Variants in COL25A1 observed in about 807,000 individuals in gnomAD.
The protein encoded by COL25A1 is collagen type XXV alpha 1 chain.
A neutral mutation model predicts 128.4 loss-of-function variants in COL25A1; 103 were observed. That is an observed-to-expected ratio of 0.80 (90% CI 0.68 to 0.94). COL25A1 has a LOEUF of 0.94. COL25A1 is among the 40% of genes least tolerant of loss of function. COL25A1 has a pLI of 0.00. For synonymous variants in COL25A1, 279 were observed against 277.2 expected (o/e 1.01, Z -0.06); for missense variants, 745 against 840.0 (o/e 0.89, Z 1.40).
intron 3 of COL25A1, among the ~76,000 whole-genome samples, chr4:109,260,123 G>GATGTTAAAA (rs1781340035): frequency 6.6e-6 from 1 of 152,172 alleles, no homozygotes; most frequent in African/African-American, 2.4e-5. Flanking sequence ...CTTATACAAA[G>GATGTTAAAA]CTGCCTCCAT....
At chr4:108,958,075 C>T (rs1347914576) in intron 8 of COL25A1, among the ~76,000 whole-genome samples, 1 of 152,032 alleles carries the variant, frequency 6.6e-6, no homozygotes, top group East Asian at 1.9e-4. Flanking sequence ...TTTGGACGAT[C>T]TCATTAAATT....
chr4:109,078,242 T>G (rs1283976720), intron 3 of COL25A1, among the ~76,000 whole-genome samples: 1 of 152,212 alleles, frequency 6.6e-6, no homozygotes, highest in African/African-American at 2.4e-5. Context: ...TTTGCTTTGC[T>G]TTTTAAATAA....
intron 26 of COL25A1, among the ~76,000 whole-genome samples, chr4:108,849,432 T>C (rs183985507): frequency 6.6e-6 from 1 of 152,320 alleles, no homozygotes; most frequent in East Asian, 1.9e-4. Flanking sequence ...TGAACTAAAA[T>C]TTACTATTCA....
chr4:109,131,414 A>G (rs557546685), intron 3 of COL25A1, among the ~76,000 whole-genome samples: 1 of 152,308 alleles, frequency 6.6e-6, no homozygotes, highest in East Asian at 1.9e-4. Flanking sequence ...ATGGAACGCA[A>G]GATAATTCTG....
intron 8 of COL25A1, among the ~76,000 whole-genome samples, chr4:108,948,232 T>C (rs1749003911): frequency 1.3e-5 from 2 of 152,200 alleles, no homozygotes; most frequent in Non-Finnish European, 2.9e-5. Context: ...AGCTAGATCA[T>C]TCCATATTGC....
rs1052453502 is a variant in COL25A1 at position 108,809,373 on chromosome 4, T to C, written c.*4554A>G. On this transcript the variant is annotated 3_prime_UTR_variant, in exon 38 of 38. Coordinates refer to ENST00000399132, the MANE Select transcript of COL25A1 (RefSeq NM_198721.4). ...GTTGAATGAAACATTTACAACAGTA[T>C]AAAGAATATTCACATAAATGTCAAC... 6.6e-6 allele frequency: 1 copy of C among 152,122 alleles called. No individual in the cohort carries two copies. The highest frequency in any genetic ancestry group is 1.5e-5 in the Non-Finnish European group (1 of 67,972). The allele number at this position is 152,122 out of a possible 1,614,324, so 9.4% of individuals were successfully genotyped here. A position where few individuals can be genotyped will look rare whatever the true frequency, so the allele number is the denominator to read the frequency against.
At chr4:108,996,548 T>C (rs185803906) in intron 6 of COL25A1, among the ~76,000 whole-genome samples, 2 of 152,188 alleles carry the variant, frequency 1.3e-5, no homozygotes, top group Admixed American at 1.3e-4. Context: ...CCACTGTCAA[T>C]ATTAGACAGA....
At chr4:108,978,654 T>C (rs1473812352) in intron 6 of COL25A1, among the ~76,000 whole-genome samples, 1 of 152,202 alleles carries the variant, frequency 6.6e-6, no homozygotes, top group Non-Finnish European at 1.5e-5. Context: ...CACATTGCTG[T>C]TTCCAACTAA....
At chr4:109,211,490 T>C (rs1448277012) in intron 3 of COL25A1, among the ~76,000 whole-genome samples, 1 of 150,930 alleles carries the variant, frequency 6.6e-6, no homozygotes, top group Non-Finnish European at 1.5e-5. Context: ...ATTCTGAGCA[T>C]TAAGAGATGG....
chr4:109,146,769 G>A (rs761886868), intron 3 of COL25A1, among the ~76,000 whole-genome samples: 5 of 152,182 alleles, frequency 3.3e-5, no homozygotes, highest in Non-Finnish European at 7.3e-5. Flanking sequence ...CACTCTTGCA[G>A]AATATGAAGT....
chr4:109,022,478 T>G (rs947006753), intron 5 of COL25A1, among the ~76,000 whole-genome samples: 1 of 152,214 alleles, frequency 6.6e-6, no homozygotes, highest in African/African-American at 2.4e-5. Flanking sequence ...GATACAGAGA[T>G]GCATACCGCT....
chr4:108,827,312 C>T, intron 32 of COL25A1, 124 bp from the exon 33 acceptor site: 1 of 836,456 alleles, frequency 1.2e-6, no homozygotes, highest in South Asian at 1.5e-5. Flanking sequence ...AAGATTTAGC[C>T]TCTTGCAGAG....
intron 3 of COL25A1, among the ~76,000 whole-genome samples, chr4:109,263,973 A>C (rs896696367): frequency 6.6e-6 from 1 of 152,250 alleles, no homozygotes; most frequent in Admixed American, 6.5e-5. Flanking sequence ...CGCTTCATTC[A>C]TGTCACTTAG....
At chr4:108,822,954 G>A (rs571469928) in intron 35 of COL25A1, among the ~76,000 whole-genome samples, 12 of 152,164 alleles carry the variant, frequency 7.9e-5, no homozygotes, top group Non-Finnish European at 1.0e-4. Context: ...ATAATGCTCA[G>A]TAAATGTGAT....
intron 3 of COL25A1, among the ~76,000 whole-genome samples, chr4:109,081,991 C>T (rs1182358444): frequency 6.6e-6 from 1 of 152,188 alleles, no homozygotes; most frequent in East Asian, 1.9e-4. Context: ...AGGTGTGAGC[C>T]ACCGCGCGTA....
intron 3 of COL25A1, among the ~76,000 whole-genome samples, chr4:109,110,860 T>C (rs1766931406): frequency 6.6e-6 from 1 of 152,214 alleles, no homozygotes; most frequent in South Asian, 2.1e-4. Context: ...ACCATCTTAG[T>C]CTAGCTCTTC....
Position 109,248,781 on chromosome 4 carries a change from C to T in COL25A1, c.367+51802G>A, listed in dbSNP as rs945021835. Among the ~76,000 whole-genome samples, 3 of 152,100 alleles carry T rather than the reference C, an allele frequency of 2.0e-5. No individual in the cohort carries two copies. In the East Asian group the frequency reaches 5.8e-4, roughly 29 times the overall value. ...GCCACCAAGCAGCTGCACCATTTTT[C>T]AGGGACAAAGCATGATGGTTAATGT... On this transcript the variant is annotated intron_variant, in intron 3 of 37. Coordinates refer to ENST00000399132, the MANE Select transcript of COL25A1 (RefSeq NM_198721.4).
intron 32 of COL25A1, among the ~76,000 whole-genome samples, chr4:108,827,867 T>C (rs1447303588): frequency 6.6e-6 from 1 of 152,124 alleles, no homozygotes; most frequent in Non-Finnish European, 1.5e-5. Context: ...AGGGAAACCC[T>C]TTCTCGATTG....
intron 3 of COL25A1, among the ~76,000 whole-genome samples, chr4:109,087,663 T>C (rs1371676402): frequency 6.6e-6 from 1 of 152,230 alleles, no homozygotes; most frequent in Non-Finnish European, 1.5e-5. Flanking sequence ...GTGAAAGTCA[T>C]ATTACTTTTA....
Sources: allele counts gnomAD v4.1 joint callset (sites outside exome capture counted in the v4.1 genomes callset), GRCh38; gene constraint gnomAD v4.1.1; transcripts MANE v1.5; gene names NCBI Gene and HGNC (gene_info 2026-07-23, HGNC 2026-07-21).